SPAG16: variants seen among roughly 807,000 people sequenced by gnomAD.
The protein encoded by SPAG16 is sperm-associated antigen 16 protein.
A neutral mutation model predicts 80.4 loss-of-function variants in SPAG16; 86 were observed. The observed-to-expected ratio is 1.07, with a 90% confidence interval of 0.90 to 1.28. SPAG16 has a LOEUF of 1.28. SPAG16 is among the 50% of genes most tolerant of loss of function. The pLI is 0.00. For synonymous variants in SPAG16, 294 were observed against 265.9 expected (o/e 1.11, Z -1.03); for missense variants, 870 against 765.3 (o/e 1.14, Z -1.61).
intron 13 of SPAG16, among the ~76,000 whole-genome samples, chr2:214,095,552 T>A (rs71428325): frequency 0.014 from 2,113 of 152,144 alleles, 45 homozygotes; most frequent in African/African-American, 0.047. Context: ...GAAAGCCACC[T>A]ATTATAAAAC....
rs150249924 is a variant in SPAG16 at position 213,760,589 on chromosome 2, C to T, written c.1071-101896C>T. 1.9e-3 allele frequency among the ~76,000 whole-genome samples: 294 copies of T among 151,574 alleles called. 1 individual carries two copies. The highest frequency in any genetic ancestry group is 6.1e-3 in the African/African-American group (252 of 41,344). On this transcript the variant is annotated intron_variant, in intron 10 of 15. Coordinates refer to ENST00000331683, the MANE Select transcript of SPAG16 (RefSeq NM_024532.5). ...TAGACCTAACTCTGTGCAACAACAG[C>T]GTACACATTCTTCTCAAGTGTACAT...
chr2:213,740,866 C>T (rs941718741), intron 10 of SPAG16, among the ~76,000 whole-genome samples: 1 of 152,202 alleles, frequency 6.6e-6, no homozygotes. Context: ...TGACAGCATT[C>T]TAACCATCCC....
intron 10 of SPAG16, among the ~76,000 whole-genome samples, chr2:213,561,938 T>A (rs903861048): frequency 6.6e-6 from 1 of 152,320 alleles, no homozygotes. Flanking sequence ...TTTCTTGAAT[T>A]GCAGTTTATG....
chr2:214,089,922 C>G (rs2052055188), intron 13 of SPAG16, among the ~76,000 whole-genome samples: 1 of 151,986 alleles, frequency 6.6e-6, no homozygotes, highest in Non-Finnish European at 1.5e-5. Context: ...CTACTTCTAT[C>G]CAATGTCAAG....
At chr2:213,949,673 A>T (rs1336963168) in intron 12 of SPAG16, among the ~76,000 whole-genome samples, 1 of 152,174 alleles carries the variant, frequency 6.6e-6, no homozygotes, top group Non-Finnish European at 1.5e-5. Context: ...TGAATATTTA[A>T]CTCCTAAATT....
At chr2:213,950,357 T>G (rs1000058882) in intron 12 of SPAG16, among the ~76,000 whole-genome samples, 3 of 152,178 alleles carry the variant, frequency 2.0e-5, no homozygotes, top group Non-Finnish European at 4.4e-5. Flanking sequence ...GTTCACATAG[T>G]TACAGACATT....
intron 12 of SPAG16, among the ~76,000 whole-genome samples, chr2:213,970,071 G>A (rs1245058139): frequency 6.6e-6 from 1 of 152,098 alleles, no homozygotes; most frequent in Non-Finnish European, 1.5e-5. Context: ...GACCTCACAT[G>A]GCAGAAGGAG....
At chr2:213,953,199 A>T (rs1559624416) in intron 12 of SPAG16, among the ~76,000 whole-genome samples, 1 of 152,056 alleles carries the variant, frequency 6.6e-6, no homozygotes, top group South Asian at 2.1e-4. Context: ...CCCAAAACTT[A>T]GAAAATATAC....
intron 10 of SPAG16, among the ~76,000 whole-genome samples, chr2:213,833,494 A>ATT (rs1559506049): frequency 2.8e-3 from 4 of 1,446 alleles, no homozygotes; most frequent in African/African-American, 3.7e-3. Context: ...TATTATATAT[A>ATT]ATATATATAT....
chr2:214,247,810 T>C (rs1411254747), intron 15 of SPAG16, among the ~76,000 whole-genome samples: 3 of 152,136 alleles, frequency 2.0e-5, no homozygotes, highest in Middle Eastern at 3.4e-3. Context: ...GGCAGGAGGA[T>C]TGCTTGAGGT....
At chr2:214,120,498 A>C (rs754013221) in intron 14 of SPAG16, among the ~76,000 whole-genome samples, 5 of 151,742 alleles carry the variant, frequency 3.3e-5, no homozygotes, top group Non-Finnish European at 7.4e-5. Context: ...TCATTATCTT[A>C]TATTTCCTTG....
intron 10 of SPAG16, among the ~76,000 whole-genome samples, chr2:213,555,215 A>C (rs1387382206): frequency 6.6e-6 from 1 of 152,222 alleles, no homozygotes; most frequent in Non-Finnish European, 1.5e-5. Context: ...ACAACCTGCC[A>C]ACCAAAAATA....
At chr2:213,335,051 C>A (rs1295997533) in intron 5 of SPAG16, among the ~76,000 whole-genome samples, 2 of 152,000 alleles carry the variant, frequency 1.3e-5, no homozygotes, top group African/African-American at 4.8e-5. Flanking sequence ...TCATATACTC[C>A]ATGAATATAT....
chr2:213,888,948 T>A (rs1300826954), intron 11 of SPAG16, among the ~76,000 whole-genome samples: 1 of 152,048 alleles, frequency 6.6e-6, no homozygotes, highest in Non-Finnish European at 1.5e-5. Flanking sequence ...ATGAATGACC[T>A]GTGATGATAT....
chr2:213,679,977 ATTG>A (rs2064295463), intron 10 of SPAG16, among the ~76,000 whole-genome samples: 1 of 152,148 alleles, frequency 6.6e-6, no homozygotes, highest in African/African-American at 2.4e-5. Context: ...TTCACACTAG[ATTG>A]TACAGATGAA....
chr2:213,842,541 TATTAG>T (rs1366102708), intron 10 of SPAG16, among the ~76,000 whole-genome samples: 5 of 152,260 alleles, frequency 3.3e-5, no homozygotes, highest in African/African-American at 1.2e-4. Flanking sequence ...GAAATGATTA[TATTAG>T]ATTTAATTTA....
At position 213,385,124 on chromosome 2, in the gene SPAG16, G is replaced by A. The variant is rs150263611; in HGVS notation, c.942+10005G>A. On this transcript the variant is annotated intron_variant, in intron 9 of 15. Transcript: ENST00000331683. ...TCACCTTACTGCTTTCCTAGTGGAC[G>A]TATTCTCTGGTCATCCGGTGGACAT... is the stretch of plus-strand genomic sequence containing the variant. 4.5e-3 allele frequency among the ~76,000 whole-genome samples: 679 copies of A among 152,212 alleles called. 4 individuals are homozygous for A. Among genetic ancestry groups the A allele is most frequent in the African/African-American group, 0.015 (621 of 41,524 alleles).
intron 15 of SPAG16, among the ~76,000 whole-genome samples, chr2:214,335,649 G>T (rs1697227080): frequency 6.6e-6 from 1 of 151,460 alleles, no homozygotes. Flanking sequence ...ACTAAACTTG[G>T]ATTTATGTAG....
At chr2:214,350,460 G>T (rs1698320890) in intron 15 of SPAG16, among the ~76,000 whole-genome samples, 1 of 152,132 alleles carries the variant, frequency 6.6e-6, no homozygotes, top group Admixed American at 6.5e-5. Flanking sequence ...TAGTAAACAG[G>T]CTTTAAAGAA....
Sources: gnomAD v4.1 joint callset for allele counts (sites outside exome capture counted in the v4.1 genomes callset) on GRCh38, gnomAD v4.1.1 for gene constraint, MANE v1.5 for transcripts, NCBI Gene and HGNC (gene_info 2026-07-23, HGNC 2026-07-21) for gene names.